Variants in TG observed in about 807,000 individuals in gnomAD.
The protein encoded by TG is thyroglobulin, also known as thyroid hormones.
In TG, 270 loss-of-function variants were observed where a neutral mutation model predicts 324.7. The observed-to-expected ratio is 0.83, with a 90% CI of 0.75 to 0.92. The LOEUF (loss-of-function observed/expected upper bound fraction) is 0.92, where lower values mean the gene tolerates loss of function less well. TG is among the 40% of genes least tolerant of loss of function. TG has a pLI of 0.00. For synonymous variants in TG, 1,401 were observed against 1,327.0 expected, an observed-to-expected ratio of 1.06 and a Z score of -1.21; for missense variants, 3,591 against 3,456.4, an observed-to-expected ratio of 1.04 and a Z score of -0.98.
rs114496542 is a variant in TG at position 132,908,737 on chromosome 8, A to G, written c.4002+397A>G. The stretch of plus-strand genomic sequence containing the variant: ...CACTAAACAAGTACCTGTCAGGTAA[A>G]GGTAAGAGCTAAGAGGGGAAATAAA... On this transcript the variant is annotated intron_variant, in intron 18 of 47. Transcript: ENST00000220616. 2.9e-3 allele frequency among the ~76,000 whole-genome samples: 435 copies of G among 152,242 alleles called. 1 individual carries two copies. The highest frequency in any genetic ancestry group is 0.01 in the African/African-American group (426 of 41,544).
chr8:133,022,389 AGGT>A, intron 40 of TG, among the ~76,000 whole-genome samples: 1 of 152,302 alleles, frequency 6.6e-6, no homozygotes, highest in African/African-American at 2.4e-5. Flanking sequence ...AGTCCATTAC[AGGT>A]CTTATCTTGT....
rs568899502 is a variant in TG, at chr8:132,868,197, C to T, written c.150C>T (p.Pro50=). ...TAFLKQADYV[P]QCAEDGSFQT... ...TTCTGAAGCAAGCAGACTACGTGCC[C>T]CAGTGTGCAGAGGATGGCAGCTTCC... The change falls in exon 2 of 48, where the codon CCC becomes CCT. Residue 50 remains proline, a synonymous_variant. Transcript: ENST00000220616. 1.2e-6 allele frequency: 2 copies of T among 1,614,102 alleles called. No homozygotes were observed. Among genetic ancestry groups the T allele is most frequent in the Admixed American group, 3.3e-5 (2 of 60,024 alleles).
intron 35 of TG, among the ~76,000 whole-genome samples, chr8:132,989,637 T>C (rs1250248307): frequency 6.6e-6 from 1 of 152,232 alleles, no homozygotes; most frequent in East Asian, 1.9e-4. Context: ...CAACAGCTTT[T>C]GAACCACACA....
At chr8:133,053,336 G>T (rs775008902) in intron 41 of TG, among the ~76,000 whole-genome samples, 47 of 152,322 alleles carry the variant, frequency 3.1e-4, no homozygotes, top group Non-Finnish European at 6.2e-4. Context: ...CAGAATACTG[G>T]TGTCTTCTGT....
At chr8:132,882,418 G>C in intron 6 of TG, 51 bp from the exon 7 acceptor site, 1 of 1,609,682 alleles carries the variant, frequency 6.2e-7, no homozygotes, top group East Asian at 2.2e-5. Flanking sequence ...CAAGGTCAGG[G>C]CTTCCTTTCT....
chr8:132,893,970 G>A, intron 11 of TG, 41 bp downstream of exon 11: 2 of 1,613,826 alleles, frequency 1.2e-6, no homozygotes, highest in Non-Finnish European at 1.7e-6. Context: ...GCATCGCTTT[G>A]GAAAAGCAGG....
intron 41 of TG, among the ~76,000 whole-genome samples, chr8:133,070,122 A>G (rs919524794): frequency 6.6e-6 from 1 of 152,128 alleles, no homozygotes; most frequent in African/African-American, 2.4e-5. Context: ...AGTAAATGTC[A>G]AACAATCAAT....
chr8:132,910,485 C>T (rs559085108), intron 18 of TG, among the ~76,000 whole-genome samples: 17 of 152,206 alleles, frequency 1.1e-4, no homozygotes, highest in South Asian at 8.3e-4. Flanking sequence ...TGTGTCCCCC[C>T]GAAATTCATA....
intron 41 of TG, among the ~76,000 whole-genome samples, chr8:133,039,730 C>T (rs566893129): frequency 1.3e-5 from 2 of 152,274 alleles, no homozygotes; most frequent in East Asian, 3.9e-4. Flanking sequence ...ATGTATATTG[C>T]TAGCATAGAA....
In TG at chr8:132,988,742, G is replaced by A. The variant is rs1454473902; in HGVS notation, c.6262+5330G>A. 6.1e-6 allele frequency: 6 copies of A among 985,306 alleles called. No homozygotes were observed. In the African/African-American group the frequency reaches 1.0e-4, roughly 17 times the overall value. 61.0% of individuals were successfully genotyped at this position (985,306 alleles called of 1,614,324 possible). On this transcript the variant is annotated intron_variant, in intron 35 of 47. Coordinates refer to ENST00000220616, the MANE Select transcript of TG (RefSeq NM_003235.5). ...AACCAAGCCAGCAAGGCTGCTGCAG[G>A]TTAGCTTGAGTTATCTTCTCCAGTG...
At chr8:132,971,908 C>G in intron 33 of TG, 35 bp downstream of exon 33, 1 of 1,340,168 alleles carries the variant, frequency 7.5e-7, no homozygotes, top group Non-Finnish European at 1.1e-6. Flanking sequence ...CCCCTGCGCA[C>G]AGTACTCTGC....
At chr8:133,049,513 T>G (rs930151134) in intron 41 of TG, 1 of 289,456 alleles carries the variant, frequency 3.5e-6, no homozygotes, top group Non-Finnish European at 6.8e-6. Context: ...AGGGAACTGA[T>G]GCATAAAAAG....
rs1304348679 is a variant in TG at position 133,012,028 on chromosome 8, T to G, written c.6390T>G (p.Cys2130Trp). The change falls in exon 36 of 48, where the codon TGT (cysteine) becomes TGG (tryptophan). Residue 2130 changes from cysteine (C) to tryptophan (W), a missense_variant. Cys to Trp is a radical substitution (Grantham distance 215). Transcript: ENST00000220616. ...ATTTCTCTGCTGTCCGAGACCTCTG[T>G]TTGTCGGGTAAGGGGAGTTTCCAAC... ...TSNFSAVRDL[C>W]LSECSQHEAC... The G allele has an allele frequency of 6.2e-7, 1 of 1,614,040 alleles. No homozygotes were observed. Among genetic ancestry groups the G allele is most frequent in the African/African-American group, 1.3e-5 (1 of 74,910 alleles).
chr8:132,922,378 G>A (rs1252160945), intron 21 of TG, among the ~76,000 whole-genome samples: 1 of 152,190 alleles, frequency 6.6e-6, no homozygotes. Context: ...CACTGAGCAA[G>A]GCATTTGGAT....
rs947742156 is a variant in TG, at chr8:133,038,252, G to C, written c.7239+8229G>C. 4.3e-5 allele frequency: 21 copies of C among 486,342 alleles called. No homozygotes were observed. In the Admixed American group the frequency reaches 5.0e-4, roughly 12 times the overall value. The allele number at this position is 486,342 out of a possible 1,614,324, so 30.1% of individuals were successfully genotyped here. On this transcript the variant is annotated intron_variant, in intron 41 of 47. Transcript: ENST00000220616. ...TGTCCTTCCCACACACACAATGTGTGCATACATACATGCTGGGCTCTTCCA... is the reference window on the plus strand; with the variant it reads ...TGTCCTTCCCACACACACAATGTGTCCATACATACATGCTGGGCTCTTCCA...
At chr8:132,999,768 T>C (rs1420952717) in intron 35 of TG, among the ~76,000 whole-genome samples, 1 of 152,234 alleles carries the variant, frequency 6.6e-6, no homozygotes, top group Non-Finnish European at 1.5e-5. Context: ...TTCTCAGTGA[T>C]ATTTCTTCTT....
intron 45 of TG, among the ~76,000 whole-genome samples, chr8:133,129,656 C>A (rs1444127608): frequency 6.6e-6 from 1 of 152,062 alleles, no homozygotes; most frequent in East Asian, 1.9e-4. Flanking sequence ...GGCACCACAC[C>A]CAGCTAATTT....
rs1827673562 is a variant in TG at position 132,960,993 on chromosome 8, C to T, written c.5402-15C>T. On this transcript the variant is annotated splice_polypyrimidine_tract_variant and intron_variant, in intron 27 of 47. Transcript: ENST00000220616. Reference sequence around the variant, plus strand: ...GCACACTCAAGCTCATAAAAATAAACATCTTCCTTTGCAGGTCTGACACCC... The same window carrying T: ...GCACACTCAAGCTCATAAAAATAAATATCTTCCTTTGCAGGTCTGACACCC... The T allele has an allele frequency of 6.2e-7, 1 of 1,613,574 alleles. No individual in the cohort carries two copies. The highest frequency in any genetic ancestry group is 1.3e-5 in the African/African-American group (1 of 74,898).
Position 133,038,760 on chromosome 8 carries a change from G to A in TG, c.7239+8737G>A, listed in dbSNP as rs571882198. 1.9e-6 allele frequency: 3 copies of A among 1,544,300 alleles called. No individual in the cohort carries two copies. In the South Asian group the frequency reaches 3.4e-5, roughly 17 times the overall value. On this transcript the variant is annotated intron_variant, in intron 41 of 47. Transcript: ENST00000220616. ...AGTCTGTGGGCCAGAAGAAAAGGCA[G>A]TAGAGAAAGGGAAAAAAAGAGAGTC...
Sources: allele counts gnomAD v4.1 joint callset (sites outside exome capture counted in the v4.1 genomes callset), GRCh38; gene constraint gnomAD v4.1.1; transcripts MANE v1.5; gene names NCBI Gene and HGNC (gene_info 2026-07-23, HGNC 2026-07-21).